Variants in ANO3 observed in about 807,000 individuals in gnomAD.
The protein encoded by ANO3 is anoctamin-3.
ANO3 carries 99 observed loss-of-function variants against 144.8 expected under a neutral mutation model. The observed-to-expected ratio is 0.68, with a 90% confidence interval of 0.58 to 0.81. The LOEUF (loss-of-function observed/expected upper bound fraction) is 0.81. ANO3 is among the 30% of genes least tolerant of loss of function. The pLI is 0.00. For synonymous variants in ANO3, 414 were observed against 392.6 expected (o/e 1.05, Z -0.64); for missense variants, 905 against 1,202.2 (o/e 0.75, Z 3.66).
chr11:26,290,775 C>A (rs1176395570), intron 1 of ANO3, among the ~76,000 whole-genome samples: 1 of 152,166 alleles, frequency 6.6e-6, no homozygotes, highest in Non-Finnish European at 1.5e-5. Flanking sequence ...GGCTGAGACA[C>A]AGTTTGTTAC....
At chr11:26,652,196 G>T (rs566453505) in intron 24 of ANO3, among the ~76,000 whole-genome samples, 42 of 152,232 alleles carry the variant, frequency 2.8e-4, no homozygotes, top group African/African-American at 9.4e-4. Context: ...CTTTAAATTT[G>T]TATCACATAC....
chr11:26,256,658 C>T (rs11029435), intron 1 of ANO3, among the ~76,000 whole-genome samples: 2,793 of 152,134 alleles, frequency 0.018, 68 homozygotes, highest in East Asian at 0.12. Flanking sequence ...AGTGGCTTAA[C>T]AGGTTACATG....
intron 1 of ANO3, among the ~76,000 whole-genome samples, chr11:26,228,790 G>T (rs11606371): frequency 0.35 from 52,549 of 152,050 alleles, 10,161 homozygotes; most frequent in Non-Finnish European, 0.43. Context: ...GCTCTCTGCA[G>T]CTGAGGCAAT....
chr11:26,418,273 T>C (rs532921134), intron 1 of ANO3, among the ~76,000 whole-genome samples: 26 of 152,220 alleles, frequency 1.7e-4, no homozygotes, highest in African/African-American at 5.8e-4. Flanking sequence ...GGGTTCACAT[T>C]CTACACATCA....
At chr11:26,604,694 T>C (rs1851887837) in intron 17 of ANO3, among the ~76,000 whole-genome samples, 1 of 152,150 alleles carries the variant, frequency 6.6e-6, no homozygotes, top group South Asian at 2.1e-4. Flanking sequence ...GGGAGTTCAT[T>C]TATGATTTGG....
At chr11:26,501,695 G>T (rs899633209) in intron 4 of ANO3, among the ~76,000 whole-genome samples, 1 of 152,194 alleles carries the variant, frequency 6.6e-6, no homozygotes, top group South Asian at 2.1e-4. Context: ...AGATCGGCAA[G>T]CTGAGGCAGA....
chr11:26,617,217 C>G (rs1318782852), intron 17 of ANO3, among the ~76,000 whole-genome samples: 1 of 152,162 alleles, frequency 6.6e-6, no homozygotes, highest in Non-Finnish European at 1.5e-5. Context: ...CACCTCCTAC[C>G]CTCTTCCTCA....
intron 1 of ANO3, among the ~76,000 whole-genome samples, chr11:26,345,336 C>T (rs1855471997): frequency 6.6e-6 from 1 of 152,156 alleles, no homozygotes; most frequent in African/African-American, 2.4e-5. Context: ...GGGCAGATCA[C>T]CTGAGGTCAG....
At chr11:26,275,961 G>A (rs1853549667) in intron 1 of ANO3, among the ~76,000 whole-genome samples, 1 of 152,010 alleles carries the variant, frequency 6.6e-6, no homozygotes, top group Admixed American at 6.6e-5. Flanking sequence ...TTGTTCAAGG[G>A]AATAACACTA....
chr11:26,344,391 A>C (rs1047590342), intron 1 of ANO3, among the ~76,000 whole-genome samples: 3 of 130,120 alleles, frequency 2.3e-5, no homozygotes, highest in African/African-American at 8.9e-5. Flanking sequence ...TTTGAGATGG[A>C]GTCTCACTCT....
At chr11:26,279,978 T>C (rs912467670) in intron 1 of ANO3, among the ~76,000 whole-genome samples, 2 of 152,158 alleles carry the variant, frequency 1.3e-5, no homozygotes, top group Non-Finnish European at 2.9e-5. Context: ...CGAAAAGAAA[T>C]GACACTGATG....
At chr11:26,565,727 A>AT in intron 14 of ANO3, 1 of 1,605,652 alleles carries the variant, frequency 6.2e-7, no homozygotes, top group Non-Finnish European at 8.5e-7. Flanking sequence ...AAATAGGTTT[A>AT]TTTTCCATTG....
chr11:26,618,628 C>T (rs1337530481), intron 17 of ANO3, among the ~76,000 whole-genome samples: 2 of 152,130 alleles, frequency 1.3e-5, no homozygotes, highest in Admixed American at 1.3e-4. Flanking sequence ...CTGTGAGGCC[C>T]TCATTGCTTA....
At chr11:26,281,083 A>AT (rs1353163296) in intron 1 of ANO3, among the ~76,000 whole-genome samples, 1 of 152,222 alleles carries the variant, frequency 6.6e-6, no homozygotes, top group Non-Finnish European at 1.5e-5. Flanking sequence ...AGTGCTTTTC[A>AT]TATAGTGTCT....
chr11:26,619,472 T>C (rs1852352376), intron 17 of ANO3, among the ~76,000 whole-genome samples: 3 of 151,948 alleles, frequency 2.0e-5, no homozygotes, highest in Admixed American at 6.6e-5. Context: ...TTTTTTATTA[T>C]TTATTTTTTT....
intron 1 of ANO3, among the ~76,000 whole-genome samples, chr11:26,398,010 C>CG (rs1375460402): frequency 2.1e-5 from 3 of 141,866 alleles, no homozygotes. Flanking sequence ...TAAGGATGGG[C>CG]GAAAAAAAAA....
At chr11:26,616,429 G>A (rs1056720322) in intron 17 of ANO3, among the ~76,000 whole-genome samples, 5 of 133,092 alleles carry the variant, frequency 3.8e-5, no homozygotes, top group East Asian at 4.5e-4. Context: ...AACATCCTGC[G>A]TTTCTGGTTT....
At chr11:26,272,763 T>C (rs779687969) in intron 1 of ANO3, among the ~76,000 whole-genome samples, 5 of 152,162 alleles carry the variant, frequency 3.3e-5, no homozygotes, top group Admixed American at 1.3e-4. Flanking sequence ...CAGATGAAAG[T>C]GTCCTATTAA....
chr11:26,242,158 T>C (rs1197640171), intron 1 of ANO3, among the ~76,000 whole-genome samples: 2 of 152,232 alleles, frequency 1.3e-5, no homozygotes, highest in East Asian at 3.8e-4. Flanking sequence ...TCATTAACAA[T>C]GTTCAAATTA....
Sources: gnomAD v4.1 joint callset for allele counts (sites outside exome capture counted in the v4.1 genomes callset) on GRCh38, gnomAD v4.1.1 for gene constraint, MANE v1.5 for transcripts, NCBI Gene and HGNC (gene_info 2026-07-23, HGNC 2026-07-21) for gene names.